The following RAP1GAP2 variants were observed in gnomAD, a reference collection of about 807,000 sequenced individuals.
The protein encoded by RAP1GAP2 is RAP1 GTPase activating protein 2.
RAP1GAP2 carries 27 observed loss-of-function variants against 95.0 expected under a neutral mutation model. The observed-to-expected ratio is 0.28, with a 90% CI of 0.21 to 0.39. The LOEUF (loss-of-function observed/expected upper bound fraction) is 0.39, where lower values mean the gene tolerates loss of function less well. RAP1GAP2 is among the 10% of genes least tolerant of loss of function. The pLI is 1.00. For missense variants in RAP1GAP2, 771 were observed against 970.0 expected (o/e 0.79, Z 2.72); for synonymous variants, 373 against 380.9 (o/e 0.98, Z 0.24).
At chr17:2,766,650 T>C (rs11651562) in intron 1 of RAP1GAP2, among the ~76,000 whole-genome samples, 58,923 of 151,288 alleles carry the variant, frequency 0.39, 12,109 homozygotes, top group African/African-American at 0.53. Flanking sequence ...GATTAGTGTC[T>C]GTATACGAAG....
chr17:2,796,035 T>C (rs1316627742), upstream of RAP1GAP2, among the ~76,000 whole-genome samples: 2 of 152,060 alleles, frequency 1.3e-5, no homozygotes, highest in Non-Finnish European at 2.9e-5. This position sits in a 1 kb window ranked among gnomAD's most constrained non-coding sequence, Gnocchi z 4.7. Context: ...TGCCGAGCCA[T>C]GGTGGGGCAG....
chr17:2,950,816 G>A (rs2043897704), intron 3 of RAP1GAP2, among the ~76,000 whole-genome samples: 1 of 151,920 alleles, frequency 6.6e-6, no homozygotes, highest in Non-Finnish European at 1.5e-5. Flanking sequence ...TCATCATGTT[G>A]GCCAGGCTGG....
intron 3 of RAP1GAP2, among the ~76,000 whole-genome samples, chr17:2,931,543 A>G (rs191360933): frequency 1.3e-5 from 2 of 152,188 alleles, no homozygotes; most frequent in South Asian, 4.1e-4. Context: ...CCCAGCTGGC[A>G]AAAGGGGGTG....
chr17:3,032,284 G>C (rs1012569177), intron 23 of RAP1GAP2, 127 bp from the exon 24 acceptor site: 21 of 1,048,816 alleles, frequency 2.0e-5, no homozygotes, highest in Non-Finnish European at 2.9e-5. Context: ...GGAAGTGCTT[G>C]TTCCTGGGGT....
chr17:2,969,939 T>G (rs907242944), intron 8 of RAP1GAP2, among the ~76,000 whole-genome samples: 1 of 152,170 alleles, frequency 6.6e-6, no homozygotes, highest in African/African-American at 2.4e-5. Context: ...ATTTTACTGC[T>G]GGATGGTATT....
intron 2 of RAP1GAP2, among the ~76,000 whole-genome samples, chr17:2,888,214 CATCAA>C (rs2073568432): frequency 6.6e-6 from 1 of 152,244 alleles, no homozygotes; most frequent in Non-Finnish European, 1.5e-5. Flanking sequence ...AATGTGTAAT[CATCAA>C]ATCAAGGTAA....
intron 8 of RAP1GAP2, among the ~76,000 whole-genome samples, chr17:2,969,155 ATTTTTC>A (rs947913553): frequency 1.0e-5 from 1 of 95,364 alleles, no homozygotes; most frequent in Non-Finnish European, 2.5e-5. Context: ...TTATATACAT[ATTTTTC>A]TTTATCTATC....
rs35795921 is a variant in RAP1GAP2, at chr17:2,758,171, G to GCC, written c.50+2413_50+2414dup. Among the ~76,000 whole-genome samples, 863 of 104,560 alleles carry GCC rather than the reference G, an allele frequency of 8.3e-3. 31 individuals carry two copies. Among genetic ancestry groups the GCC allele is most frequent in the African/African-American group, 0.022 (564 of 25,394 alleles). 68.6% of individuals were successfully genotyped at this position (104,560 alleles called of 152,430 possible). A position where few individuals can be genotyped will look rare whatever the true frequency, so the allele number is the denominator to read the frequency against. The stretch of plus-strand genomic sequence containing the variant: ...GGCGTGAGCCACCACGCCTGGCCAC[G>GCC]CCCCCCCCCCTTTTTTTTTTTTAAG... On this transcript the variant is annotated intron_variant, in intron 1 of 25. Coordinates refer to the RAP1GAP2 transcript ENST00000637138.
Position 2,796,559 on chromosome 17 carries a change from G to A in RAP1GAP2, c.32G>A (p.Gly11Glu). ...GGCCGGAAGCGCAGTGTCTCCTTTGGGGGCTTCGGATGGTGGGTGACAGGT... is the reference window on the plus strand; with the variant it reads ...GGCCGGAAGCGCAGTGTCTCCTTTGAGGGCTTCGGATGGTGGGTGACAGGT... MFGRKRSVSF[G>E]GFGWIDKTML... Residue 11 changes from glycine to glutamate, a missense_variant, in exon 1 of 25, where the codon GGG becomes GAG. Physicochemically the swap from Gly to Glu is moderately conservative, Grantham distance 98 (BLOSUM62 -2). Coordinates refer to ENST00000254695, the MANE Select transcript of RAP1GAP2 (RefSeq NM_015085.5). The surrounding 1 kb of genome is among the most constrained non-coding windows in gnomAD (Gnocchi z 4.7). The A allele has an allele frequency of 6.4e-7, 1 of 1,563,764 alleles. No individual in the cohort carries two copies. Among genetic ancestry groups the A allele is most frequent in the East Asian group, 2.4e-5 (1 of 42,020 alleles).
At chr17:2,947,424 C>T (rs1309841734) in intron 3 of RAP1GAP2, among the ~76,000 whole-genome samples, 1 of 152,080 alleles carries the variant, frequency 6.6e-6, no homozygotes, top group South Asian at 2.1e-4. Context: ...GCCCGTCCAG[C>T]CCTGACTCTA....
intron 12 of RAP1GAP2, among the ~76,000 whole-genome samples, chr17:2,992,449 C>T (rs893987196): frequency 1.3e-5 from 2 of 152,228 alleles, no homozygotes; most frequent in East Asian, 1.9e-4. Flanking sequence ...CGTGAGCCAC[C>T]GTGCCTGGCT....
In RAP1GAP2 at chr17:2,932,842, A is replaced by AAAAAAAAAGG. The variant is rs140254643; in HGVS notation, c.166-24916_166-24915insAAAAAAAGGA. ...AAAAAAAGAAAAAAAAAAAAAAAAAAAGAGCAGGGACCACGGGCAGGGTAT... is the reference window on the plus strand; with the variant it reads ...AAAAAAAGAAAAAAAAAAAAAAAAAAAAAAAAAAGGAGAGCAGGGACCACGGGCAGGGTAT... On this transcript the variant is annotated intron_variant, in intron 3 of 24. Transcript: ENST00000254695. Among the ~76,000 whole-genome samples the AAAAAAAAAGG allele has an allele frequency of 1.6e-4, 15 of 94,156 alleles. 6 individuals are homozygous for AAAAAAAAAGG. Among genetic ancestry groups the AAAAAAAAAGG allele is most frequent in the Non-Finnish European group, 2.0e-4 (10 of 49,420 alleles). 61.8% of individuals were successfully genotyped at this position (94,156 alleles called of 152,430 possible).
chr17:2,900,076 G>C (rs569675874), intron 2 of RAP1GAP2, among the ~76,000 whole-genome samples: 3 of 152,308 alleles, frequency 2.0e-5, no homozygotes, highest in African/African-American at 7.2e-5. Context: ...AGCGTGGGTG[G>C]ATGGCTGGGA....
chr17:2,853,604 C>A (rs1480333509), intron 2 of RAP1GAP2, among the ~76,000 whole-genome samples: 1 of 149,248 alleles, frequency 6.7e-6, no homozygotes, highest in African/African-American at 2.5e-5. Context: ...GCGCTTCGCC[C>A]GCTCCCTGTG....
intron 2 of RAP1GAP2, among the ~76,000 whole-genome samples, chr17:2,850,141 C>T (rs944040204): frequency 1.3e-5 from 2 of 151,496 alleles, no homozygotes; most frequent in African/African-American, 2.4e-5. Context: ...GCTGGGATTA[C>T]AGGCACCCGC....
intron 2 of RAP1GAP2, among the ~76,000 whole-genome samples, chr17:2,869,417 A>G (rs1382019491): frequency 6.6e-6 from 1 of 151,886 alleles, no homozygotes; most frequent in Non-Finnish European, 1.5e-5. Context: ...TGAATTGCAA[A>G]CTTAAAAAGG....
chr17:2,991,392 C>T lies in RAP1GAP2; in HGVS notation c.909C>T (p.Phe303=), dbSNP rs754465429. 1.3e-6 allele frequency: 2 copies of T among 1,597,818 alleles called. No individual in the cohort carries two copies. Among genetic ancestry groups the T allele is most frequent in the South Asian group, 1.1e-5 (1 of 87,866 alleles). The part of the protein sequence containing the change: ...LLGDTITLQD[F]KGFRGGLDVT... The stretch of plus-strand genomic sequence containing the variant: ...GGGACACGATCACACTGCAGGATTT[C>T]AAAGGGTGGGTTTTAGCCAAGTGAC... Residue 303 remains phenylalanine (F), a synonymous_variant, in exon 12 of 25, where the codon TTC becomes TTT. Coordinates refer to ENST00000254695, the MANE Select transcript of RAP1GAP2 (RefSeq NM_015085.5).
At chr17:2,895,076 C>T (rs549314449) in intron 2 of RAP1GAP2, among the ~76,000 whole-genome samples, 26 of 152,338 alleles carry the variant, frequency 1.7e-4, no homozygotes, top group East Asian at 5.8e-4. Context: ...TGTCTCAGGC[C>T]CATAATGTTT....
intron 10 of RAP1GAP2, among the ~76,000 whole-genome samples, chr17:2,984,116 T>A (rs2045468730): frequency 6.6e-6 from 1 of 152,164 alleles, no homozygotes; most frequent in South Asian, 2.1e-4. Context: ...TTTGGGAGGC[T>A]GAGGCAGGCG....
Sources: allele counts gnomAD v4.1 joint callset (sites outside exome capture counted in the v4.1 genomes callset), GRCh38; gene constraint gnomAD v4.1.1; non-coding constraint Gnocchi (gnomAD v3.1); transcripts MANE v1.5; gene names NCBI Gene and HGNC (gene_info 2026-07-23, HGNC 2026-07-21).